Variants in SHPRH observed in about 807,000 individuals in gnomAD.
The protein encoded by SHPRH is SNF2 histone linker PHD RING helicase.
SHPRH carries 106 observed loss-of-function variants against 202.5 expected under a neutral mutation model. The observed-to-expected ratio is 0.52, with a 90% CI of 0.45 to 0.62. The LOEUF is 0.62. Ranked by LOEUF, SHPRH falls within the 20% of genes least tolerant of loss-of-function variation. The pLI, the probability that SHPRH is intolerant of heterozygous loss-of-function variation, is 0.00. For missense variants in SHPRH, 1,710 were observed against 2,020.0 expected (o/e 0.85, Z 2.94); for synonymous variants, 729 against 686.0 (o/e 1.06, Z -0.98).
chr6:145,943,799 C>T lies in SHPRH; in HGVS notation c.1582G>A (p.Val528Ile), dbSNP rs752864420. The change falls in exon 9 of 30, where the codon GTA (valine) becomes ATA (isoleucine). Residue 528 changes from valine to isoleucine, a missense_variant. Physicochemically the swap from Val to Ile is conservative, Grantham distance 29. Transcript: ENST00000275233. Reference sequence around the variant, plus strand: ...TTCTGAATTTTCCTTGGACTCCCTACTGCCTATGAAAAAAATATTTAATTA... The same window carrying T: ...TTCTGAATTTTCCTTGGACTCCCTATTGCCTATGAAAAAAATATTTAATTA... ...DICDKTKKQA[V>I]GSPRKIQKET... 3.2e-6 allele frequency: 5 copies of T among 1,560,244 alleles called. No homozygotes were observed. The highest frequency in any genetic ancestry group is 4.3e-6 in the Non-Finnish European group (5 of 1,160,944).
In SHPRH at chr6:145,894,910, C is replaced by G. The variant is rs751660140; in HGVS notation, c.4583G>C (p.Gly1528Ala). 3 of 1,612,692 alleles carry G rather than the reference C, an allele frequency of 1.9e-6. No homozygotes were observed. The highest frequency in any genetic ancestry group is 2.5e-6 in the Non-Finnish European group (3 of 1,179,168). ...TLMKIQLRDP[G>A]AKALVFSTWQ... is the part of the protein sequence containing the mutation. ...CGTTGAGAAAACGAGTGCTTTGGCC[C>G]CTGGATCTCTAAGCTGTATTTTCAT... Residue 1528 changes from glycine (G) to alanine (A), a missense_variant, in exon 26 of 30, where the codon GGG becomes GCG. Around this residue, in one of 8 missense-constraint regions of SHPRH, gnomAD observed 306 missense variants for 479.5 expected, o/e 0.64. Transcript: ENST00000275233.
chr6:145,909,462 TTACTCAAATAACAG>T (rs1562308593), intron 25 of SHPRH: 2 of 152,124 alleles, frequency 1.3e-5, no homozygotes, highest in African/African-American at 2.4e-5. Flanking sequence ...TTTTCAGGTT[TTACTCAAATAACAG>T]TGAAAAAAGA....
chr6:145,886,247 A>T lies in SHPRH; in HGVS notation c.*444T>A. On this transcript the variant is annotated 3_prime_UTR_variant, in exon 30 of 30. Coordinates refer to ENST00000275233, the MANE Select transcript of SHPRH (RefSeq NM_001042683.3). Reference sequence around the variant, plus strand: ...TCACCATCTACTTAAAATATTACTAACAAGATATTGGTGAATCATGTGCTA... The same window carrying T: ...TCACCATCTACTTAAAATATTACTATCAAGATATTGGTGAATCATGTGCTA... 2.1e-6 allele frequency: 1 copy of T among 470,758 alleles called. No individual in the cohort carries two copies. The highest frequency in any genetic ancestry group is 4.0e-6 in the Non-Finnish European group (1 of 251,294). 29.2% of individuals were successfully genotyped at this position (470,758 alleles called of 1,614,324 possible). A position where few individuals can be genotyped will look rare whatever the true frequency, so the allele number is the denominator to read the frequency against.
intron 15 of SHPRH, among the ~76,000 whole-genome samples, chr6:145,926,932 G>C (rs778818906): frequency 6.6e-6 from 1 of 151,896 alleles, no homozygotes; most frequent in Non-Finnish European, 1.5e-5. Context: ...CAAGTACTTT[G>C]AGCTATTTTT....
At chr6:145,876,774 T>G (rs1780323478) in intron 2 of SHPRH, 1 of 152,142 alleles carries the variant, frequency 6.6e-6, no homozygotes, top group African/African-American at 2.4e-5. Context: ...AGATAAGGTG[T>G]GTATAGAGGT....
At position 145,894,941 on chromosome 6, in the gene SHPRH, T is replaced by G; in HGVS notation, c.4552A>C (p.Thr1518Pro). The G allele has an allele frequency of 6.2e-7, 1 of 1,613,082 alleles. No individual in the cohort carries two copies. The highest frequency in any genetic ancestry group is 8.5e-7 in the Non-Finnish European group (1 of 1,179,364). The change falls in exon 26 of 30, where the codon ACT (threonine) becomes CCT (proline). Residue 1518 changes from threonine (T) to proline (P), a missense_variant. Around this residue, in one of 8 missense-constraint regions of SHPRH, gnomAD observed 306 missense variants for 479.5 expected, o/e 0.64. Transcript: ENST00000275233. ...HSTKVEAVVR[T>P]LMKIQLRDPG... ...TCTCTAAGCTGTATTTTCATCAGAG[T>G]TCTGACCACAGCTTCCACTTTTGTA...
rs536234568 is a variant in SHPRH at position 145,914,877 on chromosome 6, G to C, written c.4255-1328C>G. 3.8e-4 allele frequency among the ~76,000 whole-genome samples: 57 copies of C among 151,888 alleles called. No individual in the cohort carries two copies. The South Asian group carries it at 6.2e-3, about 17-fold the overall frequency. On this transcript the variant is annotated intron_variant, in intron 23 of 29. Transcript: ENST00000275233. ...AGAGCGGCTTTTTGAATTAGCATAA[G>C]GTCTATTTTGATAAATGTTCCACGT...
At chr6:145,933,239 G>A (rs1013342258) in intron 13 of SHPRH, 61 bp from the exon 14 acceptor site, 2 of 1,611,154 alleles carry the variant, frequency 1.2e-6, no homozygotes, top group South Asian at 2.2e-5. Context: ...ACTTCAGTGG[G>A]AGTGTTATAT....
intron 11 of SHPRH, 25 bp downstream of exon 11, chr6:145,940,698 A>T (rs569644101): frequency 6.2e-7 from 1 of 1,608,340 alleles, no homozygotes; most frequent in Admixed American, 1.7e-5. Context: ...AAATGCATGC[A>T]ATATGTGAGG....
chr6:145,893,701 G>C (rs921920437), intron 27 of SHPRH, among the ~76,000 whole-genome samples: 1 of 152,138 alleles, frequency 6.6e-6, no homozygotes, highest in African/African-American at 2.4e-5. Flanking sequence ...GAATGTGCTA[G>C]AGTGAATGTG....
chr6:145,902,737 A>G (rs188770495), intron 25 of SHPRH, among the ~76,000 whole-genome samples: 3 of 152,232 alleles, frequency 2.0e-5, no homozygotes, highest in Non-Finnish European at 4.4e-5. Flanking sequence ...AATTGTTTAC[A>G]CAGACTATTC....
chr6:145,964,262 T>A lies in SHPRH; in HGVS notation c.-564A>T, dbSNP rs1190413241. The A allele has an allele frequency of 6.6e-6, 1 of 152,274 alleles. No homozygotes were observed. The highest frequency in any genetic ancestry group is 1.5e-5 in the Non-Finnish European group (1 of 68,156). 9.4% of individuals were successfully genotyped at this position (152,274 alleles called of 1,614,324 possible). On this transcript the variant is annotated 5_prime_UTR_variant, in exon 1 of 30. It adds an upstream start codon to the 5' untranslated region. Coordinates refer to ENST00000275233, the MANE Select transcript of SHPRH (RefSeq NM_001042683.3). ...CATTCGCCACCCACCGAACATGGGCTTGAGGTGGGCACGAGCGCTTTTTGC... is the reference window on the plus strand; with the variant it reads ...CATTCGCCACCCACCGAACATGGGCATGAGGTGGGCACGAGCGCTTTTTGC...
At chr6:145,900,685 G>A (rs1782423681) in intron 25 of SHPRH, among the ~76,000 whole-genome samples, 1 of 151,986 alleles carries the variant, frequency 6.6e-6, no homozygotes, top group African/African-American at 2.4e-5. Flanking sequence ...GATGCTAAGT[G>A]CCTTACATAA....
chr6:145,910,763 C>A, intron 24 of SHPRH, 127 bp from the exon 25 acceptor site: 1 of 871,738 alleles, frequency 1.1e-6, no homozygotes, highest in Non-Finnish European at 1.6e-6. Flanking sequence ...TGTCATAAAG[C>A]CAAGTTGTGC....
At chr6:145,926,633 T>C (rs1038224467) in intron 15 of SHPRH, among the ~76,000 whole-genome samples, 5 of 151,936 alleles carry the variant, frequency 3.3e-5, no homozygotes, top group African/African-American at 7.2e-5. Flanking sequence ...TTGTGAATGG[T>C]AATGACATCT....
chr6:145,961,376 T>G (rs1010468518), intron 1 of SHPRH, among the ~76,000 whole-genome samples: 2 of 152,170 alleles, frequency 1.3e-5, no homozygotes, highest in Non-Finnish European at 2.9e-5. Flanking sequence ...TCAAAAAACC[T>G]TGTTATGGAT....
chr6:145,934,593 T>G (rs557844704), intron 13 of SHPRH, among the ~76,000 whole-genome samples: 6 of 151,058 alleles, frequency 4.0e-5, no homozygotes, highest in African/African-American at 1.2e-4. Context: ...GCCCAGGAAT[T>G]TGAGGCTGCC....
chr6:145,948,009 A>C (rs1562363940), intron 5 of SHPRH, among the ~76,000 whole-genome samples: 1 of 152,080 alleles, frequency 6.6e-6, no homozygotes. Flanking sequence ...ATAATAAACA[A>C]GATAACATTT....
At chr6:145,919,151 A>T in intron 22 of SHPRH, 197 bp downstream of exon 22, 2 of 627,978 alleles carry the variant, frequency 3.2e-6, no homozygotes, top group South Asian at 4.3e-5. Flanking sequence ...AACACTAAGC[A>T]TGTAATAGAT....
Sources: gnomAD v4.1 joint callset for allele counts (sites outside exome capture counted in the v4.1 genomes callset) on GRCh38, gnomAD v4.1.1 for gene constraint, gnomAD v4.1.1 regional missense constraint, MANE v1.5 for transcripts, NCBI Gene and HGNC (gene_info 2026-07-23, HGNC 2026-07-21) for gene names.